TMEM255B: variants seen among roughly 807,000 people sequenced by gnomAD.
TMEM255B encodes the protein family with sequence similarity 70, member B.
Under a neutral mutation model 34.5 loss-of-function variants are expected in TMEM255B, and 35 were observed. The observed-to-expected ratio is 1.01, with a 90% confidence interval of 0.77 to 1.34. TMEM255B has a LOEUF of 1.34. Ranked by LOEUF, TMEM255B falls within the 40% of genes most tolerant of loss-of-function variation. The pLI, the probability that TMEM255B is intolerant of heterozygous loss-of-function variation, is 0.00. For synonymous variants in TMEM255B, 206 were observed against 201.2 expected (o/e 1.02, Z -0.20); for missense variants, 432 against 433.2 (o/e 1.00, Z 0.02).
intron 3 of TMEM255B, among the ~76,000 whole-genome samples, chr13:113,794,884 A>C (rs2050892374): frequency 6.6e-6 from 1 of 152,222 alleles, no homozygotes; most frequent in South Asian, 2.1e-4. Context: ...TGCTTCTCAG[A>C]GGCGCGTGCC....
At chr13:113,772,320 A>C (rs989906344) in intron 3 of TMEM255B, among the ~76,000 whole-genome samples, 1 of 152,162 alleles carries the variant, frequency 6.6e-6, no homozygotes, top group Non-Finnish European at 1.5e-5. Flanking sequence ...GTGTCCTTTG[A>C]GGCACAAAAG....
chr13:113,812,832 C>T lies in TMEM255B; in HGVS notation c.*929C>T. 1 of 169,054 alleles carries T rather than the reference C, an allele frequency of 5.9e-6. No individual in the cohort carries two copies. Among genetic ancestry groups the T allele is most frequent in the South Asian group, 9.4e-5 (1 of 10,604 alleles). The allele number at this position is 169,054 out of a possible 1,614,324, so 10.5% of individuals were successfully genotyped here. On this transcript the variant is annotated 3_prime_UTR_variant, in exon 9 of 9. Coordinates refer to ENST00000375353, the MANE Select transcript of TMEM255B (RefSeq NM_182614.4). The stretch of plus-strand genomic sequence containing the variant: ...TGGGTCACAGGTCCTGAGTGGGTCA[C>T]AGGTCCCGGGTGGGTCACAGGCATC...
In TMEM255B at chr13:113,816,505, G is replaced by A. The variant is rs185391124; in HGVS notation, c.*4602G>A. The A allele has an allele frequency of 6.5e-6, 1 of 153,632 alleles. No homozygotes were observed. Among genetic ancestry groups the A allele is most frequent in the Non-Finnish European group, 1.5e-5 (1 of 68,764 alleles). 9.5% of individuals were successfully genotyped at this position (153,632 alleles called of 1,614,324 possible). Reference sequence around the variant, plus strand: ...AGGATGTTGTGAAGATGGCCTTATGGGGCTGCACTGGTGACTTGGACAGTG... The same window carrying A: ...AGGATGTTGTGAAGATGGCCTTATGAGGCTGCACTGGTGACTTGGACAGTG... On this transcript the variant is annotated 3_prime_UTR_variant, in exon 9 of 9. Transcript: ENST00000375353.
rs758248923 is a variant in TMEM255B, at chr13:113,795,163, G to A, written c.268G>A (p.Val90Met). The stretch of plus-strand genomic sequence containing the variant: ...TCTGTTGCAGCTGGTGGCAGCGATC[G>A]TGTTTATCAGTTTTGGCGTGGTGGC... Reference protein sequence around the residue: ...NRRQMLVAAIVFISFGVVAAF... With the variant: ...NRRQMLVAAIMFISFGVVAAF... Residue 90 changes from valine to methionine, a missense_variant, in exon 4 of 9, where the codon GTG becomes ATG. By Grantham distance (21) the Val-to-Met change is conservative. Transcript: ENST00000375353. 2.8e-5 allele frequency: 45 copies of A among 1,613,850 alleles called. No individual in the cohort carries two copies. Among genetic ancestry groups the A allele is most frequent in the South Asian group, 4.4e-5 (4 of 91,076 alleles).
chr13:113,788,599 G>A (rs537971372), intron 3 of TMEM255B, among the ~76,000 whole-genome samples: 13 of 152,186 alleles, frequency 8.5e-5, no homozygotes, highest in South Asian at 8.3e-4. Flanking sequence ...CATCTTAGCC[G>A]TCATCGTGTG....
intron 4 of TMEM255B, among the ~76,000 whole-genome samples, chr13:113,796,722 C>T (rs1393658308): frequency 2.6e-5 from 4 of 152,236 alleles, no homozygotes; most frequent in Admixed American, 6.5e-5. Context: ...GCCATCTGGG[C>T]GTCAGCTGGT....
chr13:113,790,719 C>T (rs1185770559), intron 3 of TMEM255B, among the ~76,000 whole-genome samples: 5 of 147,792 alleles, frequency 3.4e-5, no homozygotes, highest in South Asian at 2.2e-4. Context: ...GTGGACTGAC[C>T]GGACACGTGG....
At chr13:113,787,777 C>A (rs1473821749) in intron 3 of TMEM255B, among the ~76,000 whole-genome samples, 1 of 151,470 alleles carries the variant, frequency 6.6e-6, no homozygotes, top group Non-Finnish European at 1.5e-5. Context: ...TGGTGAATCG[C>A]GTCAGCTGGG....
chr13:113,788,866 A>C (rs1034895066), intron 3 of TMEM255B, among the ~76,000 whole-genome samples: 6 of 151,464 alleles, frequency 4.0e-5, no homozygotes, highest in African/African-American at 1.5e-4. Context: ...TGACCACTGC[A>C]CCCGGGGGCC....
chr13:113,777,686 G>A (rs930429360), intron 3 of TMEM255B, among the ~76,000 whole-genome samples: 5 of 152,190 alleles, frequency 3.3e-5, no homozygotes, highest in Non-Finnish European at 7.4e-5. Context: ...GAATCCCCAG[G>A]GTCCCCGCAC....
chr13:113,803,079 C>T (rs1391056168), intron 7 of TMEM255B: 5 of 148,350 alleles, frequency 3.4e-5, no homozygotes, highest in Admixed American at 3.4e-4. Context: ...GACACAGAAA[C>T]GCTTGTCTGG....
At position 113,769,256 on chromosome 13, in the gene TMEM255B, C is replaced by A; in HGVS notation, c.252+96C>A. On this transcript the variant is annotated intron_variant, in intron 3 of 8. Transcript: ENST00000375353. This position sits in a 1 kb window ranked among gnomAD's most constrained non-coding sequence, Gnocchi z 4.2. ...CTGAGAAGAGTCAGCCCTGCCTCCC[C>A]AGCACACTGGTGTCTACAGGACCAG... 7.3e-7 allele frequency: 1 copy of A among 1,368,104 alleles called. No homozygotes were observed. The highest frequency in any genetic ancestry group is 1.0e-6 in the Non-Finnish European group (1 of 961,596). 84.7% of individuals were successfully genotyped at this position (1,368,104 alleles called of 1,614,324 possible).
In TMEM255B at chr13:113,769,506, CAT is replaced by C. The variant is rs2050443925; in HGVS notation, c.252+347_252+348del. The C allele has an allele frequency of 2.4e-5, 6 of 255,032 alleles. No homozygotes were observed. In the South Asian group the frequency reaches 2.7e-4, roughly 12 times the overall value. The allele number at this position is 255,032 out of a possible 1,614,324, so 15.8% of individuals were successfully genotyped here. A position where few individuals can be genotyped will look rare whatever the true frequency, so the allele number is the denominator to read the frequency against. On this transcript the variant is annotated intron_variant, in intron 3 of 8. Coordinates refer to ENST00000375353, the MANE Select transcript of TMEM255B (RefSeq NM_182614.4). The surrounding 1 kb of genome is among the most constrained non-coding windows in gnomAD (Gnocchi z 4.2). ...CTAGTGTGTAAAGTTCAGGCAAAAA[CAT>C]GTGCATAAGCCTCTCTTCCTTTTGA...
intron 3 of TMEM255B, among the ~76,000 whole-genome samples, chr13:113,784,356 G>A (rs1692575791): frequency 6.6e-6 from 1 of 152,186 alleles, no homozygotes; most frequent in Non-Finnish European, 1.5e-5. Context: ...CTGGTCCTCT[G>A]AGGACCAGGA....
intron 3 of TMEM255B, among the ~76,000 whole-genome samples, chr13:113,778,347 A>G (rs1246149382): frequency 6.6e-6 from 1 of 152,222 alleles, no homozygotes; most frequent in East Asian, 1.9e-4. Context: ...TGCTGTAACG[A>G]TGTGATGATG....
intron 3 of TMEM255B, among the ~76,000 whole-genome samples, chr13:113,790,765 T>G (rs1028788872): frequency 9.5e-6 from 1 of 105,112 alleles, no homozygotes; most frequent in Admixed American, 9.7e-5. Flanking sequence ...CACATGGACA[T>G]CCTAGCTCTG....
At chr13:113,761,081 G>C in intron 1 of TMEM255B, 1 of 669,770 alleles carries the variant, frequency 1.5e-6, no homozygotes, top group Non-Finnish European at 1.8e-6. Context: ...AAATCAGGAC[G>C]AAAGAGGAAT....
intron 2 of TMEM255B, chr13:113,768,009 G>A (rs2050417201): frequency 3.0e-6 from 1 of 335,474 alleles, no homozygotes; most frequent in Non-Finnish European, 6.1e-6. Context: ...ACATGTGTAC[G>A]TGTCTATCAC....
intron 4 of TMEM255B, among the ~76,000 whole-genome samples, chr13:113,795,937 CACAGAGCACACAGCACATACACA>C (rs1469423501): frequency 4.3e-5 from 6 of 139,656 alleles, no homozygotes; most frequent in African/African-American, 8.2e-5. Context: ...CCACACAACA[CACAGAGCACACAGCACATACACA>C]ACAGAGCACA....
Sources: allele counts gnomAD v4.1 joint callset (sites outside exome capture counted in the v4.1 genomes callset), GRCh38; gene constraint gnomAD v4.1.1; non-coding constraint Gnocchi (gnomAD v3.1); transcripts MANE v1.5; gene names NCBI Gene and HGNC (gene_info 2026-07-23, HGNC 2026-07-21).